The following MB21D2 variants were observed in gnomAD, a reference collection of about 807,000 sequenced individuals.
The protein encoded by MB21D2 is nucleotidyltransferase MB21D2.
Under a neutral mutation model 33.3 loss-of-function variants are expected in MB21D2, and 9 were observed. That is an observed-to-expected ratio of 0.27 (90% confidence interval 0.16 to 0.47). The LOEUF is 0.47. MB21D2 is among the 20% of genes least tolerant of loss of function. The pLI, the probability that MB21D2 is intolerant of heterozygous loss-of-function variation, is 0.99. For synonymous variants in MB21D2, 241 were observed against 236.3 expected (o/e 1.02, Z -0.18); for missense variants, 540 against 624.6 (o/e 0.86, Z 1.44).
At chr3:192,855,679 G>A (rs1160450747) in intron 1 of MB21D2, among the ~76,000 whole-genome samples, 1 of 152,218 alleles carries the variant, frequency 6.6e-6, no homozygotes, top group African/African-American at 2.4e-5. Context: ...GTATACTCTA[G>A]AACCCATTCT....
At chr3:192,895,078 TG>T (rs370108923) in intron 1 of MB21D2, among the ~76,000 whole-genome samples, 2 of 142,682 alleles carry the variant, frequency 1.4e-5, no homozygotes, top group Non-Finnish European at 3.1e-5. Context: ...TGGCCTGGGT[TG>T]GGGGGGAGGG....
Position 192,917,852 on chromosome 3 carries a change from C to T in MB21D2, c.-12G>A, listed in dbSNP as rs201208296. On this transcript the variant is annotated 5_prime_UTR_variant, in exon 1 of 2. Coordinates refer to ENST00000392452, the MANE Select transcript of MB21D2 (RefSeq NM_178496.4). Reference sequence around the variant, plus strand: ...GCCGCCATCTTCATGCAAAACGCGCCGAGTAGCAGCTCCGCGGCAGCGCGG... The same window carrying T: ...GCCGCCATCTTCATGCAAAACGCGCTGAGTAGCAGCTCCGCGGCAGCGCGG... The T allele has an allele frequency of 6.2e-6, 10 of 1,604,212 alleles. No homozygotes were observed. Among genetic ancestry groups the T allele is most frequent in the Non-Finnish European group, 8.5e-6 (10 of 1,175,164 alleles).
intron 1 of MB21D2, among the ~76,000 whole-genome samples, chr3:192,899,348 G>A (rs1714044945): frequency 6.6e-6 from 1 of 152,106 alleles, no homozygotes; most frequent in Admixed American, 6.6e-5. Flanking sequence ...GACTAACATG[G>A]TGAAACCCCG....
chr3:192,884,103 G>T lies in MB21D2; in HGVS notation c.211+33527C>A, dbSNP rs182662499. 8.9e-4 allele frequency among the ~76,000 whole-genome samples: 136 copies of T among 152,156 alleles called. 1 individual carries two copies. Among genetic ancestry groups the T allele is most frequent in the Non-Finnish European group, 9.6e-4 (65 of 68,024 alleles). Reference sequence around the variant, plus strand: ...GCCATGTCCGAAGCCCTTGGCATGGGCGTATATCAGATGGGACATTCCCCT... The same window carrying T: ...GCCATGTCCGAAGCCCTTGGCATGGTCGTATATCAGATGGGACATTCCCCT... On this transcript the variant is annotated intron_variant, in intron 1 of 1. Transcript: ENST00000392452.
At chr3:192,841,760 T>C (rs183298435) in intron 1 of MB21D2, among the ~76,000 whole-genome samples, 1 of 152,334 alleles carries the variant, frequency 6.6e-6, no homozygotes, top group Non-Finnish European at 1.5e-5. Flanking sequence ...TACACAGCAA[T>C]AGGTAACTAA....
chr3:192,881,519 A>C (rs2108642856), intron 1 of MB21D2, among the ~76,000 whole-genome samples: 1 of 152,286 alleles, frequency 6.6e-6, no homozygotes, highest in East Asian at 1.9e-4. Context: ...CTAAACGTAT[A>C]GCTTTGCTGT....
At chr3:192,816,909 T>C (rs1413155777) in intron 1 of MB21D2, among the ~76,000 whole-genome samples, 1 of 152,122 alleles carries the variant, frequency 6.6e-6, no homozygotes, top group Non-Finnish European at 1.5e-5. Context: ...ATCTTTCTCA[T>C]AAGGTTCTTG....
At chr3:192,876,447 C>T (rs1713429423) in intron 1 of MB21D2, among the ~76,000 whole-genome samples, 1 of 152,224 alleles carries the variant, frequency 6.6e-6, no homozygotes, top group African/African-American at 2.4e-5. Context: ...TGGATTACTG[C>T]AACAATCCTT....
At chr3:192,877,459 T>C (rs1451900817) in intron 1 of MB21D2, among the ~76,000 whole-genome samples, 1 of 152,174 alleles carries the variant, frequency 6.6e-6, no homozygotes, top group Non-Finnish European at 1.5e-5. Flanking sequence ...GCGTATCCTT[T>C]AACAATATCT....
chr3:192,820,884 C>T (rs1415703111), intron 1 of MB21D2, among the ~76,000 whole-genome samples: 1 of 152,144 alleles, frequency 6.6e-6, no homozygotes, highest in Non-Finnish European at 1.5e-5. Context: ...CTCACCTCAG[C>T]CTTTTGAGTA....
chr3:192,897,463 G>A (rs144181189), intron 1 of MB21D2, among the ~76,000 whole-genome samples: 1 of 152,276 alleles, frequency 6.6e-6, no homozygotes, highest in African/African-American at 2.4e-5. Context: ...AGTGAGGACT[G>A]TGACAAACTG....
chr3:192,821,930 T>C (rs1712068309), intron 1 of MB21D2, among the ~76,000 whole-genome samples: 1 of 152,156 alleles, frequency 6.6e-6, no homozygotes. Flanking sequence ...CCTCCCCTCC[T>C]ATACAGCCTC....
At chr3:192,867,709 C>A (rs909650106) in intron 1 of MB21D2, among the ~76,000 whole-genome samples, 6 of 152,198 alleles carry the variant, frequency 3.9e-5, no homozygotes, top group African/African-American at 7.2e-5. Flanking sequence ...GGGCTAGGTC[C>A]TGTGCCCTTG....
In MB21D2 at chr3:192,800,974, C is replaced by T. The variant is rs937971486; in HGVS notation, c.212-1324G>A. The stretch of plus-strand genomic sequence containing the variant: ...GCGTGACATCTTCTCGAATTGTATA[C>T]GTTTCTGATTAAATTGGCGATGATA... On this transcript the variant is annotated intron_variant, in intron 1 of 1. Coordinates refer to ENST00000392452, the MANE Select transcript of MB21D2 (RefSeq NM_178496.4). 1.4e-4 allele frequency among the ~76,000 whole-genome samples: 22 copies of T among 152,242 alleles called. No homozygotes were observed. The East Asian group carries it at 2.9e-3, about 20-fold the overall frequency.
chr3:192,891,924 C>T (rs771470629), intron 1 of MB21D2, among the ~76,000 whole-genome samples: 1 of 151,976 alleles, frequency 6.6e-6, no homozygotes, highest in African/African-American at 2.4e-5. Context: ...ATGGTTGATT[C>T]GACTTTAGGC....
At chr3:192,872,887 C>G (rs1361413772) in intron 1 of MB21D2, among the ~76,000 whole-genome samples, 1 of 152,202 alleles carries the variant, frequency 6.6e-6, no homozygotes, top group Admixed American at 6.5e-5. Flanking sequence ...ATCTTGACCT[C>G]TGTTCCCTTA....
At chr3:192,807,828 T>C (rs1711700030) in intron 1 of MB21D2, among the ~76,000 whole-genome samples, 1 of 152,168 alleles carries the variant, frequency 6.6e-6, no homozygotes, top group Admixed American at 6.5e-5. Context: ...GCTGATGATT[T>C]AGTGAGAAAG....
Position 192,897,273 on chromosome 3 carries a change from C to T in MB21D2, c.211+20357G>A, listed in dbSNP as rs547656570. Among the ~76,000 whole-genome samples the T allele has an allele frequency of 2.0e-5, 3 of 152,288 alleles. No individual in the cohort carries two copies. The South Asian group carries it at 6.2e-4, about 32-fold the overall frequency. Reference sequence around the variant, plus strand: ...AAACAGAACGGTTGCATAGCTTGTTCAAGGTCATCAAACCAATGAGCAACA... The same window carrying T: ...AAACAGAACGGTTGCATAGCTTGTTTAAGGTCATCAAACCAATGAGCAACA... On this transcript the variant is annotated intron_variant, in intron 1 of 1. Transcript: ENST00000392452.
chr3:192,860,894 A>G (rs1713026951), intron 1 of MB21D2, among the ~76,000 whole-genome samples: 1 of 152,258 alleles, frequency 6.6e-6, no homozygotes. Flanking sequence ...TTCCATAAAC[A>G]AAAGCAGAAT....
Sources: allele counts gnomAD v4.1 joint callset (sites outside exome capture counted in the v4.1 genomes callset), GRCh38; gene constraint gnomAD v4.1.1; transcripts MANE v1.5; gene names NCBI Gene and HGNC (gene_info 2026-07-23, HGNC 2026-07-21).